Variants in PFKFB3 observed in about 807,000 individuals in gnomAD.
PFKFB3 encodes 6-phosphofructo-2-kinase/fructose-2,6-bisphosphatase 3.
A neutral mutation model predicts 68.0 loss-of-function variants in PFKFB3; 33 were observed. That is an observed-to-expected ratio of 0.49 (90% CI 0.37 to 0.65). The LOEUF (loss-of-function observed/expected upper bound fraction) is 0.65. Among genes scored for constraint, PFKFB3 ranks in the 30% least tolerant of loss-of-function variants. The pLI is 0.00. For missense variants in PFKFB3, 586 were observed against 712.2 expected (o/e 0.82, Z 2.02); for synonymous variants, 315 against 288.2 (o/e 1.09, Z -0.94).
At chr10:6,267,066 A>G in the PFKFB3 span, among the ~76,000 whole-genome samples, 1 of 152,226 alleles carries the variant, frequency 6.6e-6, no homozygotes, top group Non-Finnish European at 1.5e-5. Flanking sequence ...AATGTTATTC[A>G]AAATAAAGAA....
the PFKFB3 span, among the ~76,000 whole-genome samples, chr10:6,275,745 G>A: frequency 6.6e-6 from 1 of 152,176 alleles, no homozygotes; most frequent in Non-Finnish European, 1.5e-5. This position sits in a 1 kb window ranked among gnomAD's most constrained non-coding sequence, Gnocchi z 4.9. Flanking sequence ...CTCCTGAGTA[G>A]CTGGGATTAC....
At chr10:6,261,208 G>C in the PFKFB3 span, among the ~76,000 whole-genome samples, 2 of 152,218 alleles carry the variant, frequency 1.3e-5, no homozygotes, top group Non-Finnish European at 2.9e-5. Context: ...ACATTTTGAA[G>C]TCTTGCTCAT....
chr10:6,253,889 C>T (rs567512075), intron 14 of PFKFB3, among the ~76,000 whole-genome samples: 2 of 152,116 alleles, frequency 1.3e-5, no homozygotes, highest in African/African-American at 4.8e-5. Flanking sequence ...AAAAAATATA[C>T]AAAAATTAGC....
At chr10:6,324,645 G>T in the PFKFB3 span, among the ~76,000 whole-genome samples, 1 of 152,082 alleles carries the variant, frequency 6.6e-6, no homozygotes, top group East Asian at 1.9e-4. Context: ...GGCCAGGCTG[G>T]TCTCGAACTC....
intron 1 of PFKFB3, among the ~76,000 whole-genome samples, chr10:6,191,040 T>C (rs899587513): frequency 1.3e-5 from 2 of 152,134 alleles, no homozygotes; most frequent in African/African-American, 4.8e-5. Context: ...CTTCGGCCTC[T>C]CAAAGTGCTG....
At chr10:6,298,232 TG>T in the PFKFB3 span, among the ~76,000 whole-genome samples, 1 of 152,168 alleles carries the variant, frequency 6.6e-6, no homozygotes, top group African/African-American at 2.4e-5. Context: ...CTCAGCTCTG[TG>T]AGCTGTGAGT....
chr10:6,158,127 T>TA (rs992170958), intron 1 of PFKFB3, among the ~76,000 whole-genome samples: 39 of 141,354 alleles, frequency 2.8e-4, no homozygotes, highest in East Asian at 6.1e-4. Context: ...CTACTAAAAA[T>TA]AAAAAAAAAA....
rs749879794 is a variant in PFKFB3 at position 6,221,404 on chromosome 10, C to T, written c.855C>T (p.Phe285=). Residue 285 remains phenylalanine (F), a synonymous_variant, in exon 9 of 15, where the codon TTC becomes TTT. Transcript: ENST00000379775. The part of the protein sequence containing the change: ...GKKFASALSK[F]VEEQNLKDLR... Reference sequence around the variant, plus strand: ...AGTTTGCCAGTGCTCTGAGCAAGTTCGTGGAGGAGCAGAACCTGAAGGACC... The same window carrying T: ...AGTTTGCCAGTGCTCTGAGCAAGTTTGTGGAGGAGCAGAACCTGAAGGACC... The T allele has an allele frequency of 6.8e-6, 11 of 1,613,772 alleles. No homozygotes were observed. The highest frequency in any genetic ancestry group is 1.3e-5 in the African/African-American group (1 of 74,914).
downstream of PFKFB3, among the ~76,000 whole-genome samples, chr10:6,237,327 G>C (rs937585048): frequency 2.0e-5 from 3 of 152,252 alleles, no homozygotes; most frequent in Non-Finnish European, 4.4e-5. Flanking sequence ...GACCTGGCCC[G>C]CAGTGGGCTC....
intron 11 of PFKFB3, 93 bp downstream of exon 11, chr10:6,223,077 T>G (rs1845081815): frequency 1.5e-6 from 2 of 1,323,572 alleles, no homozygotes; most frequent in Non-Finnish European, 2.1e-6. Context: ...GCCTGCCCTG[T>G]GTTGGCTGCT....
chr10:6,237,372 A>C (rs1385336090), downstream of PFKFB3, among the ~76,000 whole-genome samples: 1 of 152,264 alleles, frequency 6.6e-6, no homozygotes, highest in Non-Finnish European at 1.5e-5. Context: ...TGGGGAGAAG[A>C]CCCAGATGAT....
At chr10:6,212,849 C>T (rs1362780149) in intron 1 of PFKFB3, among the ~76,000 whole-genome samples, 1 of 152,050 alleles carries the variant, frequency 6.6e-6, no homozygotes, top group Non-Finnish European at 1.5e-5. Flanking sequence ...TTTTTAGAAA[C>T]TCTGCCCATA....
chr10:6,271,021 T>C, the PFKFB3 span, among the ~76,000 whole-genome samples: 3 of 152,234 alleles, frequency 2.0e-5, no homozygotes, highest in African/African-American at 7.2e-5. Flanking sequence ...TGGGTTTGGA[T>C]AAGAAGCATT....
chr10:6,315,530 C>G, the PFKFB3 span, among the ~76,000 whole-genome samples: 1 of 152,164 alleles, frequency 6.6e-6, no homozygotes, highest in Admixed American at 6.6e-5. Context: ...GTTGTCCAGG[C>G]TGGAGTGCAA....
chr10:6,288,534 C>T, the PFKFB3 span, among the ~76,000 whole-genome samples: 7 of 151,954 alleles, frequency 4.6e-5, no homozygotes, highest in Non-Finnish European at 1.5e-5. Flanking sequence ...GACATGGACT[C>T]ATCCTTTTTT....
the PFKFB3 span, among the ~76,000 whole-genome samples, chr10:6,264,344 G>T: frequency 6.6e-6 from 1 of 151,212 alleles, no homozygotes; most frequent in African/African-American, 2.5e-5. Flanking sequence ...ATTTCCATTT[G>T]ATTCTAGAAT....
At chr10:6,174,640 G>C (rs1344953171) in intron 1 of PFKFB3, among the ~76,000 whole-genome samples, 1 of 152,206 alleles carries the variant, frequency 6.6e-6, no homozygotes, top group Non-Finnish European at 1.5e-5. Flanking sequence ...CGCAGGGTGA[G>C]AGCCAGGGTT....
rs1564633261 is a variant in PFKFB3, at chr10:6,220,646, G to T, written c.624-12G>T. 1.2e-6 allele frequency: 2 copies of T among 1,612,358 alleles called. No homozygotes were observed. Among genetic ancestry groups the T allele is most frequent in the South Asian group, 2.2e-5 (2 of 90,972 alleles). On this transcript the variant is annotated splice_polypyrimidine_tract_variant and intron_variant, in intron 7 of 14. Transcript: ENST00000379775. The surrounding 1 kb of genome is among the most constrained non-coding windows in gnomAD (Gnocchi z 4.1). ...GGCCTGAGCTGTGGTTCTCGGTGGG[G>T]TCTCTCTGCAGGGACTTGTCGCTGA...
intron 1 of PFKFB3, among the ~76,000 whole-genome samples, chr10:6,204,715 G>T (rs9664762): frequency 0.31 from 47,285 of 152,196 alleles, 7,565 homozygotes; most frequent in Middle Eastern, 0.4. Context: ...TTGTCTTTGT[G>T]TAAAACCTGT....
Sources: gnomAD v4.1 joint callset for allele counts (sites outside exome capture counted in the v4.1 genomes callset) on GRCh38, gnomAD v4.1.1 for gene constraint, Gnocchi (gnomAD v3.1) non-coding constraint, MANE v1.5 for transcripts, NCBI Gene and HGNC (gene_info 2026-07-23, HGNC 2026-07-21) for gene names.